ERBIN: variants seen among roughly 807,000 people sequenced by gnomAD.
ERBIN encodes densin-180-like protein.
A neutral mutation model predicts 158.4 loss-of-function variants in ERBIN; 60 were observed. The observed-to-expected ratio is 0.38, with a 90% CI of 0.31 to 0.47. ERBIN has a LOEUF of 0.47. Among genes scored for constraint, ERBIN ranks in the 20% least tolerant of loss-of-function variants. The pLI, the probability that ERBIN is intolerant of heterozygous loss-of-function variation, is 0.99. For missense variants in ERBIN, 1,610 were observed against 1,648.0 expected, an observed-to-expected ratio of 0.98 and a Z score of 0.40; for synonymous variants, 594 against 557.2, an observed-to-expected ratio of 1.07 and a Z score of -0.93.
chr5:66,032,029 AAAAG>A (rs377069943), intron 14 of ERBIN, among the ~76,000 whole-genome samples: 163 of 152,258 alleles, frequency 1.1e-3, no homozygotes, highest in African/African-American at 3.9e-3. Flanking sequence ...TAAAGAAAAA[AAAAG>A]AGAACAGTGT....
intron 2 of ERBIN, among the ~76,000 whole-genome samples, chr5:65,990,519 A>C (rs1671419198): frequency 6.6e-6 from 1 of 151,970 alleles, no homozygotes; most frequent in Admixed American, 6.6e-5. Context: ...ATACAAAAAA[A>C]ATTAGCTGGG....
intron 21 of ERBIN, among the ~76,000 whole-genome samples, chr5:66,055,489 G>T (rs1480554935): frequency 1.3e-5 from 2 of 152,108 alleles, no homozygotes; most frequent in Non-Finnish European, 2.9e-5. Context: ...ACTCAGTTAA[G>T]TGTTTCTGTG....
intron 14 of ERBIN, among the ~76,000 whole-genome samples, chr5:66,031,002 A>G (rs1377103209): frequency 6.6e-6 from 1 of 152,104 alleles, no homozygotes; most frequent in Non-Finnish European, 1.5e-5. Context: ...CTCACTCTCC[A>G]CTTGGTTTAA....
intron 3 of ERBIN, among the ~76,000 whole-genome samples, chr5:65,993,180 A>G (rs919682404): frequency 6.6e-6 from 1 of 152,194 alleles, no homozygotes; most frequent in African/African-American, 2.4e-5. Flanking sequence ...AAATAATGAG[A>G]CTAAATAATT....
intron 19 of ERBIN, 78 bp from the exon 20 acceptor site, chr5:66,050,705 G>C (rs1236922596): frequency 1.1e-6 from 1 of 872,972 alleles, no homozygotes; most frequent in Non-Finnish European, 1.7e-6. Context: ...TGGTATAATT[G>C]CCATTTGTCA....
At chr5:66,000,964 A>G (rs1752959310) in intron 4 of ERBIN, among the ~76,000 whole-genome samples, 1 of 152,130 alleles carries the variant, frequency 6.6e-6, no homozygotes, top group South Asian at 2.1e-4. Flanking sequence ...ATCAACCTGT[A>G]GTATTCAACC....
chr5:66,007,573 G>C (rs1371694739), intron 4 of ERBIN, among the ~76,000 whole-genome samples: 1 of 151,502 alleles, frequency 6.6e-6, no homozygotes, highest in East Asian at 1.9e-4. Flanking sequence ...ATGAGCCCTG[G>C]TTGTACCCAA....
At chr5:66,073,910 GCT>G (rs1298093192) in intron 22 of ERBIN, among the ~76,000 whole-genome samples, 3 of 151,840 alleles carry the variant, frequency 2.0e-5, no homozygotes, top group African/African-American at 7.3e-5. Flanking sequence ...ATGGAGTCTC[GCT>G]CTGTCACCCA....
chr5:65,986,327 G>T (rs920298011), intron 1 of ERBIN, among the ~76,000 whole-genome samples: 1 of 152,196 alleles, frequency 6.6e-6, no homozygotes, highest in Non-Finnish European at 1.5e-5. Context: ...CTCCATTTCA[G>T]TTTAGTGGCA....
At chr5:65,977,683 A>G (rs1257945706) in intron 1 of ERBIN, among the ~76,000 whole-genome samples, 1 of 143,134 alleles carries the variant, frequency 7.0e-6, no homozygotes, top group Non-Finnish European at 1.5e-5. Context: ...CTGGGCAGCC[A>G]GGCAGAGGGG....
At chr5:66,046,718 C>T (rs1435209628) in intron 18 of ERBIN, among the ~76,000 whole-genome samples, 180 bp downstream of exon 18, 1 of 152,070 alleles carries the variant, frequency 6.6e-6, no homozygotes, top group East Asian at 1.9e-4. Context: ...TTATTATGCC[C>T]TTTGTATTCA....
At chr5:66,024,269 T>C in intron 9 of ERBIN, 37 bp from the exon 10 acceptor site, 3 of 1,358,446 alleles carry the variant, frequency 2.2e-6, no homozygotes, top group Non-Finnish European at 3.0e-6. Flanking sequence ...ATTACTAATG[T>C]TAATAGAGTC....
chr5:65,935,374 T>C (rs1336230083), intron 1 of ERBIN, among the ~76,000 whole-genome samples: 1 of 151,088 alleles, frequency 6.6e-6, no homozygotes, highest in Non-Finnish European at 1.5e-5. Context: ...CTTTCCATAC[T>C]TGTAACTTAT....
At chr5:65,947,593 A>G (rs1400417967) in intron 1 of ERBIN, among the ~76,000 whole-genome samples, 1 of 152,220 alleles carries the variant, frequency 6.6e-6, no homozygotes, top group Non-Finnish European at 1.5e-5. Flanking sequence ...GTAATTTAAC[A>G]TAATTGCTGT....
At chr5:66,074,994 T>G (rs1761856834) in intron 22 of ERBIN, 30 bp from the exon 23 acceptor site, 1 of 1,593,330 alleles carries the variant, frequency 6.3e-7, no homozygotes, top group Non-Finnish European at 8.6e-7. Flanking sequence ...TTATTATTGG[T>G]CATTTTAAGA....
intron 25 of ERBIN, 89 bp downstream of exon 25, chr5:66,077,038 G>A: frequency 1.0e-6 from 1 of 992,760 alleles, no homozygotes; most frequent in Non-Finnish European, 1.5e-6. Context: ...TTTGAAAATT[G>A]TGGGTGGGAG....
At chr5:66,019,340 T>C (rs1755442887) in intron 7 of ERBIN, among the ~76,000 whole-genome samples, 1 of 152,178 alleles carries the variant, frequency 6.6e-6, no homozygotes, top group Non-Finnish European at 1.5e-5. Context: ...TTTAGATATA[T>C]AGTTAAGTGA....
At chr5:65,961,379 A>AG (rs1270441700) in intron 1 of ERBIN, 1 of 152,196 alleles carries the variant, frequency 6.6e-6, no homozygotes, top group Non-Finnish European at 1.5e-5. Flanking sequence ...TTTTCCCATC[A>AG]GAGTTAATAT....
chr5:66,074,045 A>ATTTTTT lies in ERBIN; in HGVS notation c.3757-957_3757-952dup, dbSNP rs397884229. Among the ~76,000 whole-genome samples, 5 of 91,924 alleles carry ATTTTTT rather than the reference A, an allele frequency of 5.4e-5. 1 individual carries two copies. Among genetic ancestry groups the ATTTTTT allele is most frequent in the Non-Finnish European group, 8.3e-5 (4 of 48,292 alleles). The allele number at this position is 91,924 out of a possible 152,430, so 60.3% of individuals were successfully genotyped here. A position where few individuals can be genotyped will look rare whatever the true frequency, so the allele number is the denominator to read the frequency against. ...AGGTGTGCACCACCATGCCCAGCTAATTTTTTTTTTTTTTTTTTTTTTTTT... is the reference window on the plus strand; with the variant it reads ...AGGTGTGCACCACCATGCCCAGCTAATTTTTTTTTTTTTTTTTTTTTTTTTTTTTTT... On this transcript the variant is annotated intron_variant, in intron 22 of 25. Coordinates refer to ENST00000284037, the MANE Select transcript of ERBIN (RefSeq NM_001253697.2).
Sources: gnomAD v4.1 joint callset for allele counts (sites outside exome capture counted in the v4.1 genomes callset) on GRCh38, gnomAD v4.1.1 for gene constraint, MANE v1.5 for transcripts, NCBI Gene and HGNC (gene_info 2026-07-23, HGNC 2026-07-21) for gene names.